The following PPP1CC variants were observed in gnomAD, a reference collection of about 807,000 sequenced individuals.
The protein encoded by PPP1CC is serine/threonine-protein phosphatase PP1-gamma catalytic subunit.
PPP1CC carries 16 observed loss-of-function variants against 38.4 expected under a neutral mutation model. The ratio of observed to expected loss-of-function variants is 0.42; its 90% CI spans 0.28 to 0.63. PPP1CC has a LOEUF of 0.63. Ranked by LOEUF, PPP1CC falls within the 30% of genes least tolerant of loss-of-function variation. The pLI is 0.25. For synonymous variants in PPP1CC, 158 were observed against 136.0 expected (o/e 1.16, Z -1.13); for missense variants, 170 against 391.3 (o/e 0.43, Z 4.77).
rs547680546 is a variant in PPP1CC, at chr12:110,720,096, G to T, written c.*980C>A. On this transcript the variant is annotated 3_prime_UTR_variant, in exon 7 of 7. Coordinates refer to ENST00000335007, the MANE Select transcript of PPP1CC (RefSeq NM_002710.4). ...TTAACTTATAAGCCTCAACTTCACC[G>T]CAGAATAAAGAATGTAGGCCAAAGA... The T allele has an allele frequency of 7.9e-6, 12 of 1,510,660 alleles. No individual in the cohort carries two copies. In the South Asian group the frequency reaches 1.4e-4, roughly 18 times the overall value. 93.6% of individuals were successfully genotyped at this position (1,510,660 alleles called of 1,614,324 possible). A position where few individuals can be genotyped will look rare whatever the true frequency, so the allele number is the denominator to read the frequency against.
At chr12:110,730,413 A>G in intron 3 of PPP1CC, 116 bp downstream of exon 3, 1 of 851,318 alleles carries the variant, frequency 1.2e-6, no homozygotes, top group Non-Finnish European at 1.8e-6. Context: ...AGAAAACATG[A>G]GAGATGATAC....
the PPP1CC span, among the ~76,000 whole-genome samples, chr12:110,713,607 G>A: frequency 1.3e-5 from 2 of 152,128 alleles, no homozygotes; most frequent in African/African-American, 2.4e-5. Context: ...TTCCTAGAGC[G>A]TGGTTTCAAT....
At chr12:110,716,439 G>A (rs1235676155), downstream of PPP1CC, among the ~76,000 whole-genome samples, 2 of 151,236 alleles carry the variant, frequency 1.3e-5, no homozygotes, top group African/African-American at 4.9e-5. Flanking sequence ...TGCAACCTCT[G>A]CTTCCCAGGT....
chr12:110,718,795 G>T (rs2069707841), downstream of PPP1CC, among the ~76,000 whole-genome samples: 1 of 152,072 alleles, frequency 6.6e-6, no homozygotes, highest in Admixed American at 6.6e-5. Context: ...CCAAGACTTG[G>T]GTTATCACAC....
chr12:110,713,591 A>G, the PPP1CC span, among the ~76,000 whole-genome samples: 2 of 152,156 alleles, frequency 1.3e-5, no homozygotes, highest in East Asian at 1.9e-4. Flanking sequence ...GTAGCAGCCA[A>G]TATTTTTCCT....
chr12:110,742,839 C>T lies in PPP1CC; in HGVS notation c.-132G>A, dbSNP rs1417875363. 6.8e-6 allele frequency: 4 copies of T among 585,034 alleles called. No homozygotes were observed. Among genetic ancestry groups the T allele is most frequent in the Non-Finnish European group, 1.0e-5 (4 of 381,048 alleles). 36.2% of individuals were successfully genotyped at this position (585,034 alleles called of 1,614,324 possible). A position where few individuals can be genotyped will look rare whatever the true frequency, so the allele number is the denominator to read the frequency against. Reference sequence around the variant, plus strand: ...GCAGCAGCCGCGGCGGGTCCCCCCCCTGCCACCCCGCTCCCTACTTCCTCC... The same window carrying T: ...GCAGCAGCCGCGGCGGGTCCCCCCCTTGCCACCCCGCTCCCTACTTCCTCC... On this transcript the variant is annotated 5_prime_UTR_variant, in exon 1 of 7. Transcript: ENST00000335007.
downstream of PPP1CC, among the ~76,000 whole-genome samples, chr12:110,716,820 C>T (rs2069691246): frequency 6.6e-6 from 1 of 152,156 alleles, no homozygotes; most frequent in African/African-American, 2.4e-5. Flanking sequence ...ACAACAAGTC[C>T]GTTGGAGCTA....
chr12:110,712,891 G>C, the PPP1CC span, among the ~76,000 whole-genome samples: 1 of 151,782 alleles, frequency 6.6e-6, no homozygotes, highest in Non-Finnish European at 1.5e-5. Context: ...GGCCAACATG[G>C]AGAAACCCCA....
Position 110,742,686 on chromosome 12 carries a change from T to A in PPP1CC, c.22A>T (p.Asn8Tyr). ...AGCCGTTGGATAATGCTGTCGATGT[T>A]GAGTTTATCTAAATCCGCCATCGCC... MADLDKL[N>Y]IDSIIQRLLE... Residue 8 changes from asparagine (N) to tyrosine (Y), a missense_variant, in exon 1 of 7, where the codon AAC (asparagine) becomes TAC (tyrosine). By Grantham distance (143) the Asn-to-Tyr change is moderately radical. Transcript: ENST00000335007. 1 of 1,468,646 alleles carries A rather than the reference T, an allele frequency of 6.8e-7. No individual in the cohort carries two copies. The highest frequency in any genetic ancestry group is 9.1e-7 in the Non-Finnish European group (1 of 1,101,758). 91.0% of individuals were successfully genotyped at this position (1,468,646 alleles called of 1,614,324 possible).
chr12:110,727,336 T>C (rs2069810826), intron 3 of PPP1CC, among the ~76,000 whole-genome samples: 1 of 152,210 alleles, frequency 6.6e-6, no homozygotes. Flanking sequence ...TGTTTCCTCC[T>C]TTTCCCTCTC....
At chr12:110,742,495 T>C (rs1217082176) in intron 1 of PPP1CC, among the ~76,000 whole-genome samples, 158 bp downstream of exon 1, 3 of 152,076 alleles carry the variant, frequency 2.0e-5, no homozygotes, top group African/African-American at 7.2e-5. Flanking sequence ...CTGGCCTCCC[T>C]CCGGCTGCAG....
downstream of PPP1CC, among the ~76,000 whole-genome samples, chr12:110,715,471 C>A (rs1593567045): frequency 6.6e-6 from 1 of 151,838 alleles, no homozygotes; most frequent in South Asian, 2.1e-4. Flanking sequence ...CAAATGTGCA[C>A]CACCATGCCT....
intron 1 of PPP1CC, among the ~76,000 whole-genome samples, chr12:110,733,701 A>G (rs2069908903): frequency 6.6e-6 from 1 of 152,104 alleles, no homozygotes; most frequent in African/African-American, 2.4e-5. Context: ...TGCAGCCTCA[A>G]CCTTCCAGGC....
chr12:110,731,993 A>T, intron 1 of PPP1CC, 92 bp from the exon 2 acceptor site: 1 of 1,401,632 alleles, frequency 7.1e-7, no homozygotes, highest in Admixed American at 2.1e-5. Flanking sequence ...TGGTTTAACT[A>T]GCTTTCTGAG....
intron 1 of PPP1CC, among the ~76,000 whole-genome samples, chr12:110,736,592 C>T (rs751364304): frequency 6.6e-6 from 1 of 152,068 alleles, no homozygotes; most frequent in Non-Finnish European, 1.5e-5. Context: ...TGCATTGAGC[C>T]GAGATCATGC....
chr12:110,729,290 G>A (rs1278328908), intron 3 of PPP1CC, among the ~76,000 whole-genome samples: 1 of 151,458 alleles, frequency 6.6e-6, no homozygotes, highest in Non-Finnish European at 1.5e-5. Flanking sequence ...CGACTCCTGG[G>A]TTCAAGTGAT....
At chr12:110,731,429 A>AT (rs980599420) in intron 2 of PPP1CC, among the ~76,000 whole-genome samples, 6 of 152,170 alleles carry the variant, frequency 3.9e-5, no homozygotes, top group African/African-American at 1.4e-4. Flanking sequence ...AGGAAGTTCT[A>AT]TTTTTAGCTA....
chr12:110,731,953 A>C, intron 1 of PPP1CC, 52 bp from the exon 2 acceptor site: 1 of 1,584,110 alleles, frequency 6.3e-7, no homozygotes, highest in Non-Finnish European at 8.6e-7. Flanking sequence ...ACAAAATACA[A>C]TACGAGATTT....
chr12:110,724,600 A>G (rs545806866), intron 4 of PPP1CC, 60 bp downstream of exon 4: 43 of 948,596 alleles, frequency 4.5e-5, no homozygotes, highest in Admixed American at 7.3e-5. Context: ...CACAAATGTT[A>G]AAGTGTTCAC....
Sources: allele counts gnomAD v4.1 joint callset (sites outside exome capture counted in the v4.1 genomes callset), GRCh38; gene constraint gnomAD v4.1.1; transcripts MANE v1.5; gene names NCBI Gene and HGNC (gene_info 2026-07-23, HGNC 2026-07-21).